OPCML: variants seen among roughly 807,000 people sequenced by gnomAD.
OPCML encodes opioid binding protein/cell adhesion molecule like.
A neutral mutation model predicts 37.8 loss-of-function variants in OPCML; 13 were observed. The observed-to-expected ratio is 0.34, with a 90% CI of 0.22 to 0.55. OPCML has a LOEUF of 0.55. Ranked by LOEUF, OPCML falls within the 20% of genes least tolerant of loss-of-function variation. OPCML has a pLI of 0.91. For synonymous variants in OPCML, 176 were observed against 168.8 expected (o/e 1.04, Z -0.33); for missense variants, 341 against 435.6 (o/e 0.78, Z 1.93).
intron 1 of OPCML, among the ~76,000 whole-genome samples, chr11:133,030,484 T>G (rs1016276568): frequency 1.3e-5 from 2 of 152,310 alleles, no homozygotes; most frequent in South Asian, 4.1e-4. Flanking sequence ...TTTCCTAATC[T>G]GTACATAAGG....
At chr11:133,378,015 G>T (rs537898286) in intron 1 of OPCML, among the ~76,000 whole-genome samples, 6 of 152,302 alleles carry the variant, frequency 3.9e-5, no homozygotes, top group South Asian at 2.1e-4. Flanking sequence ...AGCTGAAATC[G>T]GTCTTCCTGT....
chr11:133,460,963 A>C (rs1315886574), intron 1 of OPCML, among the ~76,000 whole-genome samples: 1 of 151,924 alleles, frequency 6.6e-6, no homozygotes, highest in African/African-American at 2.4e-5. Flanking sequence ...ATCACAATTC[A>C]TGGAATGAAG....
At chr11:132,631,567 C>T (rs898790684) in intron 3 of OPCML, among the ~76,000 whole-genome samples, 3 of 150,990 alleles carry the variant, frequency 2.0e-5, no homozygotes, top group African/African-American at 4.9e-5. Context: ...TCACGCCATT[C>T]GCCTGCCTCA....
chr11:132,473,600 A>G (rs2096144837), intron 4 of OPCML, among the ~76,000 whole-genome samples: 1 of 152,120 alleles, frequency 6.6e-6, no homozygotes, highest in African/African-American at 2.4e-5. Context: ...CCGAGGTGGG[A>G]AAATCACTTA....
intron 3 of OPCML, among the ~76,000 whole-genome samples, chr11:132,636,004 A>G: frequency 6.6e-6 from 1 of 152,232 alleles, no homozygotes; most frequent in East Asian, 1.9e-4. Flanking sequence ...TTGAAGCAAT[A>G]AAGTGCAAAT....
chr11:132,674,352 A>G (rs1192928410), intron 2 of OPCML, among the ~76,000 whole-genome samples: 3 of 152,206 alleles, frequency 2.0e-5, no homozygotes, highest in African/African-American at 7.2e-5. Context: ...TTAAATCTGC[A>G]GGAAGCTGAG....
At chr11:133,232,056 C>T (rs1489503724) in intron 1 of OPCML, among the ~76,000 whole-genome samples, 1 of 152,206 alleles carries the variant, frequency 6.6e-6, no homozygotes, top group Non-Finnish European at 1.5e-5. Context: ...AACAAATTCA[C>T]TGAAGGCTGC....
chr11:132,636,787 G>T (rs1784173), intron 3 of OPCML, among the ~76,000 whole-genome samples: 14,342 of 152,058 alleles, frequency 0.094, 971 homozygotes, highest in African/African-American at 0.2. Flanking sequence ...ACACTGGGAG[G>T]CTCGGGGATA....
At position 132,536,173 on chromosome 11, in the gene OPCML, C is replaced by A. The variant is rs573263663; in HGVS notation, c.380-6987G>T. On this transcript the variant is annotated intron_variant, in intron 3 of 7. Coordinates refer to ENST00000524381, the MANE Select transcript of OPCML (RefSeq NM_001012393.5). ...TCCTGTCCCTCCAGGGCCTGCTCTC[C>A]ATTAGAGATGGCTCCACAAGGTAAC... is the stretch of plus-strand genomic sequence containing the variant. Among the ~76,000 whole-genome samples the A allele has an allele frequency of 9.7e-4, 148 of 152,316 alleles. 3 individuals are homozygous for A. In the South Asian group the frequency reaches 0.03, roughly 30 times the overall value.
chr11:132,944,225 G>A (rs1261117546), intron 1 of OPCML, among the ~76,000 whole-genome samples: 4 of 152,124 alleles, frequency 2.6e-5, no homozygotes, highest in Non-Finnish European at 5.9e-5. Context: ...GGGAGGGCGG[G>A]AGAGGGAGTT....
chr11:133,232,889 C>A (rs1940339784), intron 1 of OPCML, among the ~76,000 whole-genome samples: 1 of 152,162 alleles, frequency 6.6e-6, no homozygotes, highest in South Asian at 2.1e-4. Flanking sequence ...GTGCTGACAG[C>A]TTTATGAGCA....
At chr11:133,238,041 T>C (rs1327186055) in intron 1 of OPCML, among the ~76,000 whole-genome samples, 1 of 152,216 alleles carries the variant, frequency 6.6e-6, no homozygotes, top group Non-Finnish European at 1.5e-5. Context: ...TCCTTGATTA[T>C]AGATGGAGAG....
At chr11:132,855,059 G>T (rs1403518048) in intron 2 of OPCML, among the ~76,000 whole-genome samples, 1 of 152,168 alleles carries the variant, frequency 6.6e-6, no homozygotes, top group Non-Finnish European at 1.5e-5. Flanking sequence ...TTAGGATTAT[G>T]GGAGGGGCCT....
intron 1 of OPCML, among the ~76,000 whole-genome samples, chr11:133,170,576 G>A (rs1168465198): frequency 2.0e-5 from 3 of 151,978 alleles, no homozygotes; most frequent in Non-Finnish European, 2.9e-5. Flanking sequence ...AGTTGTGAGT[G>A]GGGGTTAGCT....
intron 3 of OPCML, among the ~76,000 whole-genome samples, chr11:132,650,010 G>T (rs1941344836): frequency 6.6e-6 from 1 of 151,922 alleles, no homozygotes; most frequent in Non-Finnish European, 1.5e-5. Flanking sequence ...GTTTTTATAG[G>T]TTGTATGGCT....
intron 2 of OPCML, among the ~76,000 whole-genome samples, chr11:132,658,694 C>T (rs542551575): frequency 2.0e-5 from 3 of 152,302 alleles, no homozygotes; most frequent in South Asian, 2.1e-4. Flanking sequence ...TGCAGGAAGA[C>T]ATTGTTCTTT....
intron 2 of OPCML, among the ~76,000 whole-genome samples, chr11:132,835,553 A>G (rs1157496784): frequency 6.6e-6 from 1 of 152,192 alleles, no homozygotes. Flanking sequence ...GCCAAGCAGC[A>G]TTTACAATTT....
At chr11:132,812,986 C>G (rs912270479) in intron 2 of OPCML, among the ~76,000 whole-genome samples, 4 of 152,060 alleles carry the variant, frequency 2.6e-5, no homozygotes, top group African/African-American at 9.7e-5. Context: ...ATGAGACCTC[C>G]CTGAAAACAC....
At chr11:133,108,332 G>T (rs993140566) in intron 1 of OPCML, among the ~76,000 whole-genome samples, 1 of 152,108 alleles carries the variant, frequency 6.6e-6, no homozygotes, top group East Asian at 1.9e-4. Flanking sequence ...TAAATTATAG[G>T]ATTCAAAGTG....
Sources: gnomAD v4.1 joint callset for allele counts (sites outside exome capture counted in the v4.1 genomes callset) on GRCh38, gnomAD v4.1.1 for gene constraint, MANE v1.5 for transcripts, NCBI Gene and HGNC (gene_info 2026-07-23, HGNC 2026-07-21) for gene names.